The following ITGA11 variants were observed in gnomAD, a reference collection of about 807,000 sequenced individuals.
The protein encoded by ITGA11 is integrin subunit alpha 11, also known as integrin alpha-11.
A neutral mutation model predicts 141.9 loss-of-function variants in ITGA11; 97 were observed. That is an observed-to-expected ratio of 0.68 (90% CI 0.58 to 0.81). The LOEUF is 0.81. ITGA11 is among the 30% of genes least tolerant of loss of function. The pLI is 0.00. For missense variants in ITGA11, 1,387 were observed against 1,559.2 expected (o/e 0.89, Z 1.86); for synonymous variants, 658 against 624.6 (o/e 1.05, Z -0.80).
intron 8 of ITGA11, 59 bp from the exon 9 acceptor site, chr15:68,350,841 A>C: frequency 6.5e-7 from 1 of 1,548,442 alleles, no homozygotes; most frequent in East Asian, 2.3e-5. Flanking sequence ...TTTCCCATAC[A>C]CCACACGGCC....
In ITGA11 at chr15:68,333,685, C is replaced by A. The variant is rs892290396; in HGVS notation, c.1426-1207G>T. On this transcript the variant is annotated intron_variant, in intron 12 of 29. Transcript: ENST00000315757. The surrounding 1 kb of genome is among the most constrained non-coding windows in gnomAD (Gnocchi z 4.2). Reference sequence around the variant, plus strand: ...AGGCGCCTTCTAAAGGGCCTTCCAGCCTCAGGCTGGCCCCTTCAGCCCACC... The same window carrying A: ...AGGCGCCTTCTAAAGGGCCTTCCAGACTCAGGCTGGCCCCTTCAGCCCACC... Among the ~76,000 whole-genome samples the A allele has an allele frequency of 2.0e-5, 3 of 152,220 alleles. No individual in the cohort carries two copies. Among genetic ancestry groups the A allele is most frequent in the African/African-American group, 7.2e-5 (3 of 41,458 alleles).
chr15:68,344,914 T>C (rs1462871986), intron 10 of ITGA11, among the ~76,000 whole-genome samples: 4 of 152,116 alleles, frequency 2.6e-5, no homozygotes, highest in Non-Finnish European at 4.4e-5. Flanking sequence ...AGGATTCCAG[T>C]GTAGGAAGGC....
At position 68,321,312 on chromosome 15, in the gene ITGA11, G is replaced by C; in HGVS notation, c.2408+106C>G. 1 of 623,782 alleles carries C rather than the reference G, an allele frequency of 1.6e-6. No individual in the cohort carries two copies. Among genetic ancestry groups the C allele is most frequent in the South Asian group, 2.5e-5 (1 of 39,586 alleles). 38.6% of individuals were successfully genotyped at this position (623,782 alleles called of 1,614,324 possible). A position where few individuals can be genotyped will look rare whatever the true frequency, so the allele number is the denominator to read the frequency against. The stretch of plus-strand genomic sequence containing the variant: ...CCAAGTGCAATGTTTGATCCATGCT[G>C]CCTGTGAGGAGGATGTCCAGGAAAT... On this transcript the variant is annotated intron_variant, in intron 19 of 29. Transcript: ENST00000315757. This position sits in a 1 kb window ranked among gnomAD's most constrained non-coding sequence, Gnocchi z 4.9.
At chr15:68,346,045 A>G (rs187172212) in intron 10 of ITGA11, among the ~76,000 whole-genome samples, 13 of 152,344 alleles carry the variant, frequency 8.5e-5, no homozygotes, top group Admixed American at 8.5e-4. Flanking sequence ...AAGTCAAATT[A>G]GATGAAAATA....
intron 3 of ITGA11, 141 bp downstream of exon 3, chr15:68,369,043 G>A: frequency 1.5e-6 from 1 of 652,030 alleles, no homozygotes; most frequent in East Asian, 2.7e-5. Flanking sequence ...TGTGTAAAGT[G>A]GGGGCAGTGA....
chr15:68,317,225 G>T, intron 21 of ITGA11, 40 bp downstream of exon 21: 1 of 1,381,490 alleles, frequency 7.2e-7, no homozygotes, highest in African/African-American at 1.4e-5. Context: ...GCCTCCCAGT[G>T]CCCACCCTGA....
intron 2 of ITGA11, among the ~76,000 whole-genome samples, chr15:68,373,657 G>C (rs934078524): frequency 1.3e-5 from 2 of 152,218 alleles, no homozygotes; most frequent in Admixed American, 6.5e-5. Flanking sequence ...TGCAGTGATT[G>C]AGTCAGGGTG....
chr15:68,339,785 TTC>T, intron 10 of ITGA11, 141 bp from the exon 11 acceptor site: 1 of 891,020 alleles, frequency 1.1e-6, no homozygotes, highest in Non-Finnish European at 1.7e-6. Context: ...GCAACCTAAC[TTC>T]TGGCTGGGGC....
Position 68,325,098 on chromosome 15 carries a change from T to C in ITGA11, c.2322+33A>G, listed in dbSNP as rs1893928258. On this transcript the variant is annotated intron_variant, in intron 18 of 29. Transcript: ENST00000315757. The surrounding 1 kb of genome is among the most constrained non-coding windows in gnomAD (Gnocchi z 5.5). The stretch of plus-strand genomic sequence containing the variant: ...GAGGTGGAGGTGGGGGTGGGGTTCA[T>C]GCCCGAGGTGCGTGCCCTGTACCGA... 1 of 1,521,734 alleles carries C rather than the reference T, an allele frequency of 6.6e-7. No homozygotes were observed. Among genetic ancestry groups the C allele is most frequent in the Non-Finnish European group, 9.1e-7 (1 of 1,095,870 alleles). The allele number at this position is 1,521,734 out of a possible 1,614,324, so 94.3% of individuals were successfully genotyped here.
intron 2 of ITGA11, among the ~76,000 whole-genome samples, chr15:68,386,779 G>A (rs1304398802): frequency 6.6e-6 from 1 of 152,156 alleles, no homozygotes; most frequent in Admixed American, 6.5e-5. Context: ...CCCAGCCTTG[G>A]GAGTCTGCAG....
chr15:68,311,201 T>C, intron 25 of ITGA11, 89 bp downstream of exon 25: 1 of 1,256,120 alleles, frequency 8.0e-7, no homozygotes, highest in East Asian at 2.5e-5. Flanking sequence ...AGAAGGGAGC[T>C]GGGGTCTGGG....
intron 21 of ITGA11, 59 bp downstream of exon 21, chr15:68,317,206 A>G (rs1893609776): frequency 7.9e-7 from 1 of 1,261,276 alleles, no homozygotes; most frequent in South Asian, 1.2e-5. Flanking sequence ...CCCTCCCCAA[A>G]CTACCTGTGC....
chr15:68,414,659 G>C (rs1896847429), intron 1 of ITGA11, among the ~76,000 whole-genome samples: 1 of 152,178 alleles, frequency 6.6e-6, no homozygotes. Flanking sequence ...TCCCCTCAGA[G>C]GGGAGGAGCA....
chr15:68,327,609 A>G (rs923740631), intron 16 of ITGA11, among the ~76,000 whole-genome samples: 1 of 151,988 alleles, frequency 6.6e-6, no homozygotes, highest in African/African-American at 2.4e-5. Flanking sequence ...TAGGTGTCTG[A>G]CTCCAGACTT....
chr15:68,373,402 TAA>T (rs1479480184), intron 2 of ITGA11, among the ~76,000 whole-genome samples: 4 of 152,216 alleles, frequency 2.6e-5, no homozygotes, highest in Non-Finnish European at 5.9e-5. Flanking sequence ...GCCTCAGGCC[TAA>T]GAGAAGCCCC....
chr15:68,334,289 T>C (rs1218059915), intron 12 of ITGA11, among the ~76,000 whole-genome samples: 1 of 152,252 alleles, frequency 6.6e-6, no homozygotes, highest in Non-Finnish European at 1.5e-5. Flanking sequence ...GTTTATAGCC[T>C]TGGGTTAGCT....
In ITGA11 at chr15:68,320,315, A is replaced by T; in HGVS notation, c.2486T>A (p.Phe829Tyr). ...TCGCTGGCGTGTGCTCTCTATGATG[A>T]AGACTGTGGTGTCGAAGGACAGCGT... ...AYTLSFDTTV[F>Y]IIESTRQRVA... is the part of the protein sequence containing the mutation. The change falls in exon 20 of 30, where the codon TTC becomes TAC. Residue 829 changes from phenylalanine (F) to tyrosine (Y), a missense_variant. By Grantham distance (22) the Phe-to-Tyr change is conservative. Transcript: ENST00000315757. The T allele has an allele frequency of 6.2e-7, 1 of 1,613,866 alleles. No homozygotes were observed. The highest frequency in any genetic ancestry group is 1.1e-5 in the South Asian group (1 of 91,058).
intron 21 of ITGA11, among the ~76,000 whole-genome samples, chr15:68,316,943 AC>A (rs553981862): frequency 0.01 from 1,572 of 152,272 alleles, 32 homozygotes; most frequent in African/African-American, 0.036. Flanking sequence ...CATACACAGC[AC>A]AGTGGCAGAG....
intron 2 of ITGA11, 92 bp downstream of exon 2, chr15:68,402,826 C>G: frequency 3.7e-6 from 3 of 817,204 alleles, no homozygotes; most frequent in Non-Finnish European, 6.1e-6. Flanking sequence ...CATGTGAGGG[C>G]CAGTGGGGCA....
Sources: allele counts gnomAD v4.1 joint callset (sites outside exome capture counted in the v4.1 genomes callset), GRCh38; gene constraint gnomAD v4.1.1; non-coding constraint Gnocchi (gnomAD v3.1); transcripts MANE v1.5; gene names NCBI Gene and HGNC (gene_info 2026-07-23, HGNC 2026-07-21).